The following CTNNBL1 variants were observed in gnomAD, a reference collection of about 807,000 sequenced individuals.
CTNNBL1 encodes catenin beta like 1.
In CTNNBL1, 31 loss-of-function variants were observed where a neutral mutation model predicts 72.7. That is an observed-to-expected ratio of 0.43 (90% CI 0.32 to 0.58). The LOEUF is 0.58. Ranked by LOEUF, CTNNBL1 falls within the 20% of genes least tolerant of loss-of-function variation. The probability of loss-of-function intolerance (pLI) is 0.08; values close to 1 mark genes in which losing one functional copy is unlikely to be tolerated. For synonymous variants in CTNNBL1, 240 were observed against 267.3 expected, an observed-to-expected ratio of 0.90 and a Z score of 1.00; for missense variants, 534 against 725.1, an observed-to-expected ratio of 0.74 and a Z score of 3.03.
At chr20:37,789,392 G>A (rs1451128086) in intron 10 of CTNNBL1, among the ~76,000 whole-genome samples, 6 of 152,194 alleles carry the variant, frequency 3.9e-5, no homozygotes, top group Non-Finnish European at 5.9e-5. Context: ...CATGAATGAA[G>A]TGGTAGTTTT....
At chr20:37,792,617 A>G (rs1446409373) in intron 10 of CTNNBL1, among the ~76,000 whole-genome samples, 2 of 152,232 alleles carry the variant, frequency 1.3e-5, no homozygotes, top group Admixed American at 1.3e-4. Flanking sequence ...TTTGAATTTT[A>G]GATTTTCTGA....
intron 13 of CTNNBL1, among the ~76,000 whole-genome samples, chr20:37,849,443 C>T (rs1480600586): frequency 6.6e-6 from 1 of 152,214 alleles, no homozygotes; most frequent in Non-Finnish European, 1.5e-5. Flanking sequence ...TTCTGTACCA[C>T]TCACGCTTCC....
chr20:37,698,317 T>TCTCCTTC (rs1600427385), intron 1 of CTNNBL1, among the ~76,000 whole-genome samples: 1 of 152,146 alleles, frequency 6.6e-6, no homozygotes, highest in Admixed American at 6.5e-5. Flanking sequence ...GCCAGGAGCA[T>TCTCCTTC]CTCCTTCCCC....
chr20:37,697,468 C>T (rs1420861009), intron 1 of CTNNBL1, among the ~76,000 whole-genome samples: 1 of 152,062 alleles, frequency 6.6e-6, no homozygotes, highest in Non-Finnish European at 1.5e-5. Flanking sequence ...TCATAGGGGA[C>T]CAGAAAGAGG....
In CTNNBL1 at chr20:37,795,988, G is replaced by T. The variant is rs541392724; in HGVS notation, c.1032-6879G>T. ...ATACAAAGTTACTTGGAAATAGTTTGGTCCTTTTGAGACTTACTTTTAAGC... is the reference window on the plus strand; with the variant it reads ...ATACAAAGTTACTTGGAAATAGTTTTGTCCTTTTGAGACTTACTTTTAAGC... On this transcript the variant is annotated intron_variant, in intron 10 of 15. Coordinates refer to ENST00000361383, the MANE Select transcript of CTNNBL1 (RefSeq NM_030877.5). Among the ~76,000 whole-genome samples the T allele has an allele frequency of 2.7e-5, 4 of 148,644 alleles. No homozygotes were observed. The East Asian group carries it at 5.9e-4, about 22-fold the overall frequency.
chr20:37,840,263 G>A, intron 12 of CTNNBL1, 64 bp downstream of exon 12: 1 of 1,196,432 alleles, frequency 8.4e-7, no homozygotes, highest in Non-Finnish European at 1.2e-6. Flanking sequence ...TACCTGATGT[G>A]ATCTGAGGGA....
intron 1 of CTNNBL1, among the ~76,000 whole-genome samples, chr20:37,719,155 T>A (rs2073018782): frequency 6.6e-6 from 1 of 152,196 alleles, no homozygotes; most frequent in Admixed American, 6.5e-5. Context: ...GACAGGTAGA[T>A]TCAGAAGAGA....
intron 15 of CTNNBL1, among the ~76,000 whole-genome samples, chr20:37,871,150 C>T (rs1159244918): frequency 1.3e-5 from 2 of 152,172 alleles, no homozygotes; most frequent in Admixed American, 6.5e-5. Flanking sequence ...GGGCCCCACC[C>T]GTTTCCTGTT....
In CTNNBL1 at chr20:37,695,740, T is replaced by C. The variant is rs6125899; in HGVS notation, c.30+1588T>C. On this transcript the variant is annotated intron_variant, in intron 1 of 15. Transcript: ENST00000361383. ...CTTAATTTCTCTCTGCCTTGGTTTCTTCATCTGTAAATGGGGGACAGTGAC... is the reference window on the plus strand; with the variant it reads ...CTTAATTTCTCTCTGCCTTGGTTTCCTCATCTGTAAATGGGGGACAGTGAC... Among the ~76,000 whole-genome samples, 692 of 152,350 alleles carry C rather than the reference T, an allele frequency of 4.5e-3. 9 individuals are homozygous for C. Among genetic ancestry groups the C allele is most frequent in the East Asian group, 0.017 (89 of 5,190 alleles).
intron 11 of CTNNBL1, among the ~76,000 whole-genome samples, chr20:37,821,651 CCTAGCTGGAATATGT>C (rs1453782557): frequency 2.0e-5 from 3 of 152,168 alleles, no homozygotes; most frequent in Non-Finnish European, 4.4e-5. Flanking sequence ...TAGGCATTTT[CCTAGCTGGAATATGT>C]ATGTTAGCAA....
chr20:37,727,336 T>C (rs992188051), intron 1 of CTNNBL1: 17 of 984,976 alleles, frequency 1.7e-5, no homozygotes, highest in African/African-American at 3.5e-5. Context: ...ACACAGGCAA[T>C]AGGCCTCAAG....
chr20:37,861,382 C>G (rs1052036247), intron 15 of CTNNBL1, among the ~76,000 whole-genome samples: 1 of 152,240 alleles, frequency 6.6e-6, no homozygotes, highest in African/African-American at 2.4e-5. Flanking sequence ...CGTCAGCCAC[C>G]TAGGCACTAA....
intron 9 of CTNNBL1, among the ~76,000 whole-genome samples, chr20:37,778,970 G>C (rs76794563): frequency 2.2e-3 from 337 of 151,768 alleles, no homozygotes; most frequent in African/African-American, 7.8e-3. Flanking sequence ...TGGACCCAGT[G>C]GTCAGTAGAG....
intron 13 of CTNNBL1, among the ~76,000 whole-genome samples, chr20:37,859,344 C>G: frequency 7.0e-6 from 1 of 142,974 alleles, no homozygotes; most frequent in East Asian, 2.0e-4. Context: ...GGGACAAGAG[C>G]AAAACTCCAT....
intron 11 of CTNNBL1, among the ~76,000 whole-genome samples, chr20:37,809,710 A>G (rs1358246703): frequency 6.6e-6 from 1 of 152,240 alleles, no homozygotes; most frequent in Non-Finnish European, 1.5e-5. Context: ...AGGTCATCAT[A>G]GTGGTAGGGA....
chr20:37,694,230 A>C, intron 1 of CTNNBL1, 78 bp downstream of exon 1: 6 of 1,300,058 alleles, frequency 4.6e-6, no homozygotes, highest in Non-Finnish European at 6.2e-6. Context: ...CTTTCATCTC[A>C]CCTCCTCTCG....
intron 1 of CTNNBL1, among the ~76,000 whole-genome samples, chr20:37,724,936 G>A (rs567532343): frequency 7.0e-6 from 1 of 143,084 alleles, no homozygotes; most frequent in South Asian, 2.2e-4. Context: ...TTTTGAGACA[G>A]GGTCTCTCTG....
intron 11 of CTNNBL1, chr20:37,832,394 A>C (rs2072216910): frequency 6.6e-6 from 1 of 152,190 alleles, no homozygotes; most frequent in African/African-American, 2.4e-5. Flanking sequence ...AGTACAACAG[A>C]TCTCAAACTG....
rs998033752 is a variant in CTNNBL1 at position 37,842,317 on chromosome 20, G to A, written c.1312-22G>A. ...TGCGTTGTCTTTCCTTCTCACTCAA[G>A]CCTGTGAAATCTCTCTTTCAGGTTG... On this transcript the variant is annotated intron_variant, in intron 12 of 15. Transcript: ENST00000361383. The A allele has an allele frequency of 3.9e-6, 6 of 1,552,634 alleles. No homozygotes were observed. In the African/African-American group the frequency reaches 8.1e-5, roughly 21 times the overall value.
Sources: allele counts gnomAD v4.1 joint callset (sites outside exome capture counted in the v4.1 genomes callset), GRCh38; gene constraint gnomAD v4.1.1; transcripts MANE v1.5; gene names NCBI Gene and HGNC (gene_info 2026-07-23, HGNC 2026-07-21).